The following ATP10B variants were observed in gnomAD, a reference collection of about 807,000 sequenced individuals.
The protein encoded by ATP10B is phospholipid-transporting ATPase VB.
A neutral mutation model predicts 141.2 loss-of-function variants in ATP10B; 122 were observed. The observed-to-expected ratio is 0.86, with a 90% CI of 0.75 to 1.00. The LOEUF is 1.00. ATP10B is among the 50% of genes least tolerant of loss of function. The pLI, the probability that ATP10B is intolerant of heterozygous loss-of-function variation, is 0.00. For missense variants in ATP10B, 1,876 were observed against 1,825.3 expected (o/e 1.03, Z -0.51); for synonymous variants, 685 against 692.0 (o/e 0.99, Z 0.16).
chr5:160,600,944 TATC>T (rs2127624262), intron 21 of ATP10B, among the ~76,000 whole-genome samples: 1 of 152,036 alleles, frequency 6.6e-6, no homozygotes, highest in African/African-American at 2.4e-5. Flanking sequence ...TGGAAATAAA[TATC>T]ATTTAAGCTT....
Position 160,702,035 on chromosome 5 carries a change from AC to A in ATP10B, c.-204-13093del, listed in dbSNP as rs1764713164. 2.7e-5 allele frequency among the ~76,000 whole-genome samples: 4 copies of A among 150,554 alleles called. No homozygotes were observed. The South Asian group carries it at 8.5e-4, about 32-fold the overall frequency. The stretch of plus-strand genomic sequence containing the variant: ...CTTTATGAGGTCAGTTGCCACTCTA[AC>A]CCCCAGTGCTCCTGGGAGCACTTAC... On this transcript the variant is annotated intron_variant, in intron 3 of 25. Transcript: ENST00000327245.
At chr5:160,697,271 C>T (rs887128072) in intron 3 of ATP10B, among the ~76,000 whole-genome samples, 3 of 152,072 alleles carry the variant, frequency 2.0e-5, no homozygotes, top group African/African-American at 7.2e-5. Context: ...TGGACCTGCC[C>T]AGGAAAATTC....
chr5:160,779,708 C>G (rs1770590665), intron 2 of ATP10B, among the ~76,000 whole-genome samples: 1 of 152,074 alleles, frequency 6.6e-6, no homozygotes, highest in South Asian at 2.1e-4. Context: ...GATTCCTGAC[C>G]CATAGAAACT....
intron 1 of ATP10B, among the ~76,000 whole-genome samples, chr5:160,818,171 C>T (rs1462297838): frequency 6.6e-6 from 1 of 152,134 alleles, no homozygotes; most frequent in African/African-American, 2.4e-5. Flanking sequence ...AACTAAAGAG[C>T]TTCTGCACAG....
intron 2 of ATP10B, among the ~76,000 whole-genome samples, chr5:160,736,139 GAAAT>G (rs908812187): frequency 6.6e-6 from 1 of 151,938 alleles, no homozygotes; most frequent in African/African-American, 2.4e-5. Flanking sequence ...GATCAGAGCA[GAAAT>G]AAATGAGTTA....
At chr5:160,727,840 A>G (rs1484899685) in intron 2 of ATP10B, among the ~76,000 whole-genome samples, 1 of 152,220 alleles carries the variant, frequency 6.6e-6, no homozygotes, top group Non-Finnish European at 1.5e-5. Context: ...CAGGAAAGGT[A>G]AAAGGCCTCA....
intron 3 of ATP10B, among the ~76,000 whole-genome samples, chr5:160,715,688 C>CTTCA (rs372405098): frequency 7.1e-6 from 1 of 141,664 alleles, no homozygotes; most frequent in African/African-American, 2.6e-5. Flanking sequence ...ATTTAGCTTG[C>CTTCA]TTTATTTATT....
intron 1 of ATP10B, among the ~76,000 whole-genome samples, chr5:160,826,474 G>C (rs1194706476): frequency 6.6e-6 from 1 of 152,200 alleles, no homozygotes; most frequent in South Asian, 2.1e-4. Flanking sequence ...GAGGATGTAC[G>C]TCTCCTCCGG....
At chr5:160,843,305 A>G (rs1279522704) in intron 1 of ATP10B, among the ~76,000 whole-genome samples, 2 of 152,168 alleles carry the variant, frequency 1.3e-5, no homozygotes, top group African/African-American at 4.8e-5. Context: ...GTTTCAGTTT[A>G]GTGAAATATT....
At chr5:160,634,067 A>G (rs1415294112) in intron 12 of ATP10B, 1 of 471,282 alleles carries the variant, frequency 2.1e-6, no homozygotes, top group East Asian at 4.3e-5. Flanking sequence ...GCTGACAGAT[A>G]AAAAACTCGT....
rs1166186955 is a variant in ATP10B at position 160,663,080 on chromosome 5, C to T, written c.675+7383G>A. On this transcript the variant is annotated intron_variant, in intron 7 of 25. Transcript: ENST00000327245. ...CCATCAGAGAAATGCAAATCAAAAC[C>T]ACAATGAGATACCATCTCACACCAG... Among the ~76,000 whole-genome samples the T allele has an allele frequency of 2.6e-5, 4 of 152,238 alleles. No individual in the cohort carries two copies. The South Asian group carries it at 6.2e-4, about 24-fold the overall frequency.
intron 1 of ATP10B, among the ~76,000 whole-genome samples, chr5:160,802,592 A>G (rs1178803120): frequency 6.6e-6 from 1 of 152,212 alleles, no homozygotes; most frequent in African/African-American, 2.4e-5. Context: ...AGAAACCCTG[A>G]CTTAGACAAG....
chr5:160,589,694 G>C lies in ATP10B; in HGVS notation c.3648C>G (p.Ala1216=). Reference sequence around the variant, plus strand: ...AGACATCTATATCAGAGCCCTTATAGGCCTGCAGAGGAGGAACAGACAGGC... The same window carrying C: ...AGACATCTATATCAGAGCCCTTATACGCCTGCAGAGGAGGAACAGACAGGC... ...SLICFFIPYL[A]YKGSDIDVFT... is the part of the protein sequence containing the mutation. The change falls in exon 24 of 26, where the codon GCC becomes GCG. Residue 1216 remains alanine, a splice_region_variant and synonymous_variant. Transcript: ENST00000327245. The C allele has an allele frequency of 6.2e-7, 1 of 1,610,564 alleles. No homozygotes were observed. The highest frequency in any genetic ancestry group is 1.7e-5 in the Admixed American group (1 of 60,014).
chr5:160,838,755 A>G (rs965326982), intron 1 of ATP10B, among the ~76,000 whole-genome samples: 1 of 152,110 alleles, frequency 6.6e-6, no homozygotes, highest in Non-Finnish European at 1.5e-5. Flanking sequence ...GAAGGCCAAG[A>G]CCTGTGATGT....
At chr5:160,794,384 C>A (rs1447274827) in intron 1 of ATP10B, among the ~76,000 whole-genome samples, 2 of 152,182 alleles carry the variant, frequency 1.3e-5, no homozygotes, top group Admixed American at 6.5e-5. Flanking sequence ...GGTAGGCAAT[C>A]CAGGTCCGGC....
At chr5:160,668,365 GTGTGTATC>G (rs1160741672) in intron 7 of ATP10B, among the ~76,000 whole-genome samples, 1 of 6,014 alleles carries the variant, frequency 1.7e-4, no homozygotes, top group Non-Finnish European at 6.4e-4. Context: ...GTGTGAGTGT[GTGTGTATC>G]TATGTGTAAT....
chr5:160,793,865 C>A (rs1771764289), intron 1 of ATP10B, among the ~76,000 whole-genome samples: 1 of 152,120 alleles, frequency 6.6e-6, no homozygotes, highest in Non-Finnish European at 1.5e-5. Context: ...TACACAAATA[C>A]CATTGTCTTA....
chr5:160,785,160 T>C (rs1197300459), intron 2 of ATP10B, among the ~76,000 whole-genome samples: 2 of 152,140 alleles, frequency 1.3e-5, no homozygotes, highest in African/African-American at 4.8e-5. Context: ...ATTTACTCCA[T>C]TGACAATCTA....
At chr5:160,751,028 T>C (rs561566646) in intron 2 of ATP10B, among the ~76,000 whole-genome samples, 25 of 152,360 alleles carry the variant, frequency 1.6e-4, no homozygotes, top group African/African-American at 5.5e-4. Flanking sequence ...TGCCCCTGCC[T>C]GCAGTGTGCC....
Sources: gnomAD v4.1 joint callset for allele counts (sites outside exome capture counted in the v4.1 genomes callset) on GRCh38, gnomAD v4.1.1 for gene constraint, MANE v1.5 for transcripts, NCBI Gene and HGNC (gene_info 2026-07-23, HGNC 2026-07-21) for gene names.